Variants in TLR5 observed in about 807,000 individuals in gnomAD.
TLR5 encodes toll-like receptor 5.
For missense variants in TLR5, 944 were observed against 999.8 expected, an observed-to-expected ratio of 0.94 and a Z score of 0.75; for synonymous variants, 373 against 384.4, an observed-to-expected ratio of 0.97 and a Z score of 0.35.
chr1:223,129,947 T>C (rs1397128834), intron 5 of TLR5, among the ~76,000 whole-genome samples: 1 of 152,222 alleles, frequency 6.6e-6, no homozygotes, highest in Non-Finnish European at 1.5e-5. Flanking sequence ...TTTGCCTCTC[T>C]AGGTCTTTAT....
intron 5 of TLR5, 48 bp from the exon 6 acceptor site, chr1:223,113,083 T>C: frequency 6.3e-7 from 1 of 1,579,892 alleles, no homozygotes. Context: ...AAGCTCGAGG[T>C]ATTGCACTGG....
chr1:223,118,246 T>G (rs908235861), intron 5 of TLR5, among the ~76,000 whole-genome samples: 2 of 152,208 alleles, frequency 1.3e-5, no homozygotes, highest in Non-Finnish European at 2.9e-5. Flanking sequence ...GGCAATTGGT[T>G]GAAAGAGTTA....
rs776618209 is a variant in TLR5, at chr1:223,111,333, C to T, written c.1699G>A (p.Val567Ile). The change falls in exon 6 of 6, where the codon GTA (valine) becomes ATA (isoleucine). Residue 567 changes from valine (V) to isoleucine (I), a missense_variant. Val to Ile is a conservative substitution (Grantham distance 29). Coordinates refer to ENST00000642603, the MANE Select transcript of TLR5 (RefSeq NM_003268.6). ...TCCAAGACACTAAGTGATACAAATACATCAGGATTAGGAGCTAGGAGCTGG... is the reference window on the plus strand; with the variant it reads ...TCCAAGACACTAAGTGATACAAATATATCAGGATTAGGAGCTAGGAGCTGG... ...RNQLLAPNPD[V>I]FVSLSVLDIT... 2.5e-6 allele frequency: 4 copies of T among 1,614,160 alleles called. No individual in the cohort carries two copies. The highest frequency in any genetic ancestry group is 4.5e-5 in the East Asian group (2 of 44,882).
In TLR5 at chr1:223,112,862, T is replaced by C. The variant is rs145198431; in HGVS notation, c.170A>G (p.Tyr57Cys). The C allele has an allele frequency of 9.9e-6, 16 of 1,613,820 alleles. No homozygotes were observed. The highest frequency in any genetic ancestry group is 5.3e-5 in the African/African-American group (4 of 74,864). ...GGATGAAGCAGTGACTGTCCTGATA[T>C]AGTTGAAGCTCAGCAGGAGCCTCTC... ...TTERLLLSFN[Y>C]IRTVTASSFP... The change falls in exon 6 of 6, where the codon TAT (tyrosine) becomes TGT (cysteine). Residue 57 changes from tyrosine to cysteine, a missense_variant. Physicochemically the swap from Tyr to Cys is radical, Grantham distance 194. Transcript: ENST00000642603.
intron 3 of TLR5, among the ~76,000 whole-genome samples, chr1:223,135,183 T>TG (rs1657558943): frequency 6.6e-6 from 1 of 151,762 alleles, no homozygotes; most frequent in African/African-American, 2.4e-5. Context: ...GAAGGAAAGG[T>TG]GGGGGGCACT....
Position 223,119,987 on chromosome 1 carries a change from TA to T in TLR5, c.-4-6953del, listed in dbSNP as rs1430805575. Among the ~76,000 whole-genome samples, 23 of 71,934 alleles carry T rather than the reference TA, an allele frequency of 3.2e-4. 1 individual carries two copies. Among genetic ancestry groups the T allele is most frequent in the African/African-American group, 1.8e-3 (23 of 13,018 alleles). 47.2% of individuals were successfully genotyped at this position (71,934 alleles called of 152,430 possible). A position where few individuals can be genotyped will look rare whatever the true frequency, so the allele number is the denominator to read the frequency against. ...ATAAAATAAAATAAAATAAATAAAATAAAATAAAATAAAATAAAATAAAATA... is the reference window on the plus strand; with the variant it reads ...ATAAAATAAAATAAAATAAATAAAATAAATAAAATAAAATAAAATAAAATA... On this transcript the variant is annotated intron_variant, in intron 5 of 5. Transcript: ENST00000642603.
At chr1:223,125,025 G>A (rs1295735295) in intron 5 of TLR5, among the ~76,000 whole-genome samples, 1 of 152,212 alleles carries the variant, frequency 6.6e-6, no homozygotes, top group Non-Finnish European at 1.5e-5. Context: ...ACTAATATTG[G>A]AGGTGTATTT....
chr1:223,132,821 A>G (rs1657448277), intron 4 of TLR5, among the ~76,000 whole-genome samples, 182 bp from the exon 5 acceptor site: 1 of 152,234 alleles, frequency 6.6e-6, no homozygotes, highest in Non-Finnish European at 1.5e-5. Flanking sequence ...ACAGAACACC[A>G]AGGTTGAAGT....
rs1038045192 is a variant in TLR5, at chr1:223,112,095, C to A, written c.937G>T (p.Asp313Tyr). The change falls in exon 6 of 6, where the codon GAT becomes TAT. Residue 313 changes from aspartate (D) to tyrosine (Y), a missense_variant. By Grantham distance (160) the Asp-to-Tyr change is radical (BLOSUM62 -3). Coordinates refer to ENST00000642603, the MANE Select transcript of TLR5 (RefSeq NM_003268.6). ...TAGGCAAGGTTCAGAACCTTCAAAT[C>A]CTTGAGTGTCTCAAAGACTCGTGAG... Reference protein sequence around the residue: ...LNSRVFETLKDLKVLNLAYNK... With the variant: ...LNSRVFETLKYLKVLNLAYNK... 8 of 1,614,068 alleles carry A rather than the reference C, an allele frequency of 5.0e-6. No homozygotes were observed. In the African/African-American group the frequency reaches 1.1e-4, roughly 22 times the overall value.
At chr1:223,116,090 C>A (rs1426065362) in intron 5 of TLR5, among the ~76,000 whole-genome samples, 1 of 152,218 alleles carries the variant, frequency 6.6e-6, no homozygotes, top group African/African-American at 2.4e-5. Flanking sequence ...GTTACTCTTT[C>A]AAAAACCATC....
intron 3 of TLR5, 59 bp downstream of exon 3, chr1:223,137,119 G>C (rs1470885965): frequency 6.6e-6 from 1 of 152,194 alleles, no homozygotes; most frequent in Non-Finnish European, 1.5e-5. Flanking sequence ...CATTGTCCCT[G>C]GCCTTATTGA....
At position 223,110,543 on chromosome 1, in the gene TLR5, T is replaced by C; in HGVS notation, c.2489A>G (p.His830Arg). Residue 830 changes from histidine to arginine, a missense_variant, in exon 6 of 6, where the codon CAT becomes CGT. Coordinates refer to ENST00000642603, the MANE Select transcript of TLR5 (RefSeq NM_003268.6). The part of the protein sequence containing the change: ...EDLQDVGWFL[H>R]KLSQQILKKE... The stretch of plus-strand genomic sequence containing the variant: ...CTTTAGTATCTGTTGAGAGAGTTTA[T>C]GAAGAAACCAGCCAACATCCTGGAG... The C allele has an allele frequency of 6.2e-7, 1 of 1,614,220 alleles. No individual in the cohort carries two copies. Among genetic ancestry groups the C allele is most frequent in the South Asian group, 1.1e-5 (1 of 91,090 alleles).
At chr1:223,137,808 C>A (rs1657669692) in intron 2 of TLR5, among the ~76,000 whole-genome samples, 1 of 152,130 alleles carries the variant, frequency 6.6e-6, no homozygotes, top group African/African-American at 2.4e-5. Context: ...AGAAAGTCTT[C>A]TCTTGAGCAG....
intron 5 of TLR5, among the ~76,000 whole-genome samples, chr1:223,116,402 T>G (rs1305886571): frequency 6.6e-6 from 1 of 152,152 alleles, no homozygotes; most frequent in Non-Finnish European, 1.5e-5. Context: ...TCTGGAGTTG[T>G]TCATTCTTCC....
rs200954588 is a variant in TLR5 at position 223,110,814 on chromosome 1, G to A, written c.2218C>T (p.Arg740Cys). Residue 740 changes from arginine (R) to cysteine (C), a missense_variant, in exon 6 of 6, where the codon CGC becomes TGC. Physicochemically the swap from Arg to Cys is radical, Grantham distance 180. Coordinates refer to ENST00000642603, the MANE Select transcript of TLR5 (RefSeq NM_003268.6). ...EERDFVPGEN[R>C]IANIQDAIWN... is the part of the protein sequence containing the mutation. ...ATGGCATCCTGGATATTGGCAATGC[G>A]GTTTTCTCCTGGGACAAAGTCTCTT... The A allele has an allele frequency of 4.3e-5, 70 of 1,614,074 alleles. No homozygotes were observed. Among genetic ancestry groups the A allele is most frequent in the Non-Finnish European group, 5.7e-5 (67 of 1,180,040 alleles).
chr1:223,139,030 G>T (rs1657733393), intron 2 of TLR5, among the ~76,000 whole-genome samples: 1 of 152,220 alleles, frequency 6.6e-6, no homozygotes, highest in African/African-American at 2.4e-5. Flanking sequence ...ATGTGACTTT[G>T]CTCCCCCTTG....
At chr1:223,138,128 TTTGTG>T (rs1657688599) in intron 2 of TLR5, among the ~76,000 whole-genome samples, 1 of 149,512 alleles carries the variant, frequency 6.7e-6, no homozygotes, top group Non-Finnish European at 1.5e-5. Context: ...CCAGATAATT[TTTGTG>T]TGTGGGGGTG....
At chr1:223,135,666 A>G (rs1657580975) in intron 3 of TLR5, among the ~76,000 whole-genome samples, 1 of 152,254 alleles carries the variant, frequency 6.6e-6, no homozygotes, top group South Asian at 2.1e-4. Context: ...CTTGCTGAGT[A>G]TCATCATGAC....
chr1:223,112,725 C>A lies in TLR5; in HGVS notation c.307G>T (p.Gly103Ter). The A allele has an allele frequency of 6.2e-7, 1 of 1,614,182 alleles. No homozygotes were observed. Among genetic ancestry groups the A allele is most frequent in the Non-Finnish European group, 8.5e-7 (1 of 1,180,034 alleles). Residue 103 changes from glycine (G) to a stop codon, truncating the protein, a stop_gained, in exon 6 of 6, where the codon GGA becomes TGA. Coordinates refer to ENST00000642603, the MANE Select transcript of TLR5 (RefSeq NM_003268.6). LOFTEE classifies it low-confidence loss of function (END_TRUNC). Reference protein sequence around the residue: ...NLPNLRILDLGSSKIYFLHPD... With the variant: ...NLPNLRILDL ...TGCAAGAAGTATATCTTACTACTTC[C>A]CAGGTCCAAGATTCTAAGGTTGGGC...
Sources: allele counts gnomAD v4.1 joint callset (sites outside exome capture counted in the v4.1 genomes callset), GRCh38; gene constraint gnomAD v4.1.1; transcripts MANE v1.5; gene names NCBI Gene and HGNC (gene_info 2026-07-23, HGNC 2026-07-21).